Variants in ERC1 observed in about 807,000 individuals in gnomAD.
ERC1 encodes ELKS/RAB6-interacting/CAST family member 1.
In ERC1, 56 loss-of-function variants were observed where a neutral mutation model predicts 132.0. The observed-to-expected ratio is 0.42, with a 90% CI of 0.34 to 0.53. ERC1 has a LOEUF of 0.53. Among genes scored for constraint, ERC1 ranks in the 20% least tolerant of loss-of-function variants. The probability of loss-of-function intolerance (pLI) is 0.03; values close to 1 mark genes in which losing one functional copy is unlikely to be tolerated. For missense variants in ERC1, 1,202 were observed against 1,349.9 expected (o/e 0.89, Z 1.72); for synonymous variants, 478 against 476.1 (o/e 1.00, Z -0.05).
At chr12:1,145,555 T>C (rs1950272662) in intron 8 of ERC1, among the ~76,000 whole-genome samples, 1 of 152,246 alleles carries the variant, frequency 6.6e-6, no homozygotes, top group Non-Finnish European at 1.5e-5. Context: ...CTATTTCTTT[T>C]GCTGTGCAGA....
At chr12:1,266,177 C>T (rs1163338108) in intron 14 of ERC1, among the ~76,000 whole-genome samples, 2 of 152,016 alleles carry the variant, frequency 1.3e-5, no homozygotes, top group Admixed American at 1.3e-4. Context: ...TAATTGTATG[C>T]TTTTTTCCTT....
At chr12:1,034,455 A>C (rs1437668535) in intron 2 of ERC1, among the ~76,000 whole-genome samples, 1 of 152,058 alleles carries the variant, frequency 6.6e-6, no homozygotes, top group African/African-American at 2.4e-5. Context: ...ATAATTAAGA[A>C]ATATTGTGGA....
chr12:1,059,734 T>G (rs1973655309), intron 2 of ERC1, among the ~76,000 whole-genome samples: 1 of 152,200 alleles, frequency 6.6e-6, no homozygotes, highest in East Asian at 1.9e-4. Context: ...TGGATTTTGT[T>G]TGCTAGTATG....
intron 7 of ERC1, among the ~76,000 whole-genome samples, chr12:1,132,697 T>C (rs901643355): frequency 8.0e-6 from 1 of 125,058 alleles, no homozygotes; most frequent in African/African-American, 2.9e-5. Context: ...TACAGATCCA[T>C]GTCCCGCAGA....
intron 12 of ERC1, among the ~76,000 whole-genome samples, chr12:1,198,836 C>T (rs1388309954): frequency 2.0e-5 from 3 of 152,188 alleles, no homozygotes; most frequent in Non-Finnish European, 4.4e-5. Context: ...CTTGTGAGAA[C>T]TCTGTCACAA....
chr12:1,339,321 G>A (rs1372554397), intron 15 of ERC1, among the ~76,000 whole-genome samples: 16 of 126,286 alleles, frequency 1.3e-4, no homozygotes, highest in Admixed American at 2.5e-4. Context: ...TCAGCTGGAC[G>A]ACTGTGACAG....
intron 15 of ERC1, among the ~76,000 whole-genome samples, chr12:1,366,941 A>T (rs1471122767): frequency 6.6e-6 from 1 of 152,216 alleles, no homozygotes; most frequent in Non-Finnish European, 1.5e-5. Context: ...TACAGGGACC[A>T]AAGTTTGCGA....
At position 1,236,798 on chromosome 12, in the gene ERC1, C is replaced by T; in HGVS notation, c.2381C>T (p.Ala794Val). 1 of 1,613,718 alleles carries T rather than the reference C, an allele frequency of 6.2e-7. No homozygotes were observed. The highest frequency in any genetic ancestry group is 1.7e-4 in the Middle Eastern group (1 of 6,060). Residue 794 changes from alanine (A) to valine (V), a missense_variant, in exon 13 of 19, where the codon GCA becomes GTA. Physicochemically the swap from Ala to Val is moderately conservative, Grantham distance 64. Coordinates refer to ENST00000360905, the MANE Select transcript of ERC1 (RefSeq NM_178040.4). ...RQVKDQNKKV[A>V]NLKHKEQVEK... ...GTGAAAGACCAGAATAAGAAGGTAG[C>T]AAATCTGAAGCACAAGGAACAGGTG...
In ERC1 at chr12:1,104,784, C is replaced by T; in HGVS notation, c.1121C>T (p.Ser374Phe). 3 of 1,613,576 alleles carry T rather than the reference C, an allele frequency of 1.9e-6. No homozygotes were observed. The highest frequency in any genetic ancestry group is 2.5e-6 in the Non-Finnish European group (3 of 1,179,550). The change falls in exon 4 of 19, where the codon TCT (serine) becomes TTT (phenylalanine). Residue 374 changes from serine to phenylalanine, a missense_variant. Transcript: ENST00000360905. The stretch of plus-strand genomic sequence containing the variant: ...CGAAGGTTTGAGAATGCTCCTGATT[C>T]TGCCAAAACAAAAGCTCTGCAAACT... ...MHRRFENAPD[S>F]AKTKALQTVI... is the part of the protein sequence containing the mutation.
intron 15 of ERC1, among the ~76,000 whole-genome samples, chr12:1,337,253 A>T (rs747545466): frequency 6.6e-6 from 1 of 151,234 alleles, no homozygotes; most frequent in Non-Finnish European, 1.5e-5. Context: ...ATATATATTT[A>T]GGATAGTTAG....
intron 7 of ERC1, chr12:1,116,309 A>C (rs1367717805): frequency 3.8e-6 from 1 of 259,770 alleles, no homozygotes; most frequent in Non-Finnish European, 7.2e-6. Flanking sequence ...ATTAAAAATA[A>C]AAGGATAATT....
intron 18 of ERC1, among the ~76,000 whole-genome samples, chr12:1,469,693 AC>A (rs1473634628): frequency 2.0e-5 from 3 of 151,990 alleles, no homozygotes; most frequent in Non-Finnish European, 2.9e-5. Flanking sequence ...CCTCATTCTC[AC>A]CCTTCTTCAC....
intron 16 of ERC1, among the ~76,000 whole-genome samples, chr12:1,404,997 C>T (rs2091359154): frequency 6.6e-6 from 1 of 150,610 alleles, no homozygotes; most frequent in African/African-American, 2.5e-5. Context: ...AAAAAATAGC[C>T]AGCGTGGTGG....
At chr12:1,164,269 TTG>T (rs1566120533) in intron 8 of ERC1, among the ~76,000 whole-genome samples, 17,120 of 117,850 alleles carry the variant, frequency 0.15, 1,398 homozygotes, top group Non-Finnish European at 0.18. Flanking sequence ...TTATTTTATG[TTG>T]TTATTTTATG....
At chr12:1,252,711 GAA>G (rs2076544847) in intron 13 of ERC1, among the ~76,000 whole-genome samples, 1 of 152,160 alleles carries the variant, frequency 6.6e-6, no homozygotes, top group Non-Finnish European at 1.5e-5. Context: ...AGGAGGGAGA[GAA>G]TATTTTTAAA....
chr12:1,433,525 A>G (rs1251225896), intron 17 of ERC1, among the ~76,000 whole-genome samples: 1 of 152,340 alleles, frequency 6.6e-6, no homozygotes, highest in Admixed American at 6.5e-5. Context: ...TGTCGGAGGC[A>G]CACACACCTG....
chr12:1,035,877 G>A (rs1968967902), intron 2 of ERC1, among the ~76,000 whole-genome samples: 3 of 151,464 alleles, frequency 2.0e-5, no homozygotes, highest in African/African-American at 7.3e-5. Flanking sequence ...AGCTGAGATC[G>A]CACCACTGCA....
chr12:1,142,873 C>T (rs570590636), intron 8 of ERC1, among the ~76,000 whole-genome samples: 1 of 152,184 alleles, frequency 6.6e-6, no homozygotes, highest in African/African-American at 2.4e-5. Context: ...GTTCTTTTGT[C>T]CGATGTGAGT....
At chr12:1,254,994 G>A (rs1008671225) in intron 13 of ERC1, among the ~76,000 whole-genome samples, 12 of 150,002 alleles carry the variant, frequency 8.0e-5, no homozygotes, top group African/African-American at 2.7e-4. Flanking sequence ...TGCAGAATGT[G>A]CAGTTTTGTT....
Sources: allele counts gnomAD v4.1 joint callset (sites outside exome capture counted in the v4.1 genomes callset), GRCh38; gene constraint gnomAD v4.1.1; transcripts MANE v1.5; gene names NCBI Gene and HGNC (gene_info 2026-07-23, HGNC 2026-07-21).